The following TENM3 variants were observed in gnomAD, a reference collection of about 807,000 sequenced individuals.
The protein encoded by TENM3 is teneurin-3.
TENM3 carries 63 observed loss-of-function variants against 255.1 expected under a neutral mutation model. The ratio of observed to expected loss-of-function variants is 0.25; its 90% CI spans 0.20 to 0.30. The LOEUF (loss-of-function observed/expected upper bound fraction) is 0.30, where lower values mean the gene tolerates loss of function less well. Ranked by LOEUF, TENM3 falls within the 10% of genes least tolerant of loss-of-function variation. The probability of loss-of-function intolerance (pLI) is 1.00; values close to 1 mark genes in which losing one functional copy is unlikely to be tolerated. For synonymous variants in TENM3, 1,306 were observed against 1,322.3 expected (o/e 0.99, Z 0.27); for missense variants, 2,929 against 3,461.1 (o/e 0.85, Z 3.86).
chr4:182,339,812 T>A (rs994090521), intron 2 of TENM3, among the ~76,000 whole-genome samples: 1 of 152,200 alleles, frequency 6.6e-6, no homozygotes, highest in South Asian at 2.1e-4. Flanking sequence ...AGCAGATACA[T>A]TGCAGGCGTA....
chr4:182,746,185 T>C (rs531454316), intron 19 of TENM3, among the ~76,000 whole-genome samples: 1 of 152,290 alleles, frequency 6.6e-6, no homozygotes, highest in South Asian at 2.1e-4. Context: ...TAAATAACAT[T>C]ATCAGTATCA....
chr4:181,708,073 C>T, the TENM3 span, among the ~76,000 whole-genome samples: 1 of 151,998 alleles, frequency 6.6e-6, no homozygotes, highest in Non-Finnish European at 1.5e-5. Context: ...CTTTTCATTT[C>T]ATTCCAGAAA....
the TENM3 span, among the ~76,000 whole-genome samples, chr4:181,766,237 G>T: frequency 1.1e-4 from 16 of 152,068 alleles, no homozygotes; most frequent in Non-Finnish European, 5.9e-5. Flanking sequence ...AATCCTCTGC[G>T]CAAAAGCTAA....
At chr4:181,522,224 T>G in the TENM3 span, among the ~76,000 whole-genome samples, 2 of 149,588 alleles carry the variant, frequency 1.3e-5, no homozygotes, top group African/African-American at 4.9e-5. Context: ...CATGTTATAC[T>G]CAACAAAATT....
chr4:182,609,201 T>C (rs934674598), intron 4 of TENM3, among the ~76,000 whole-genome samples: 7 of 152,168 alleles, frequency 4.6e-5, no homozygotes, highest in African/African-American at 1.7e-4. Flanking sequence ...CTATGCAGTC[T>C]ACCCACCTGG....
At chr4:182,740,461 T>C (rs1039629976) in intron 18 of TENM3, among the ~76,000 whole-genome samples, 1 of 152,254 alleles carries the variant, frequency 6.6e-6, no homozygotes, top group Non-Finnish European at 1.5e-5. Context: ...GATGAAATTG[T>C]GTAAAATTAT....
At chr4:182,340,139 G>C (rs564577899) in intron 2 of TENM3, among the ~76,000 whole-genome samples, 2 of 152,268 alleles carry the variant, frequency 1.3e-5, no homozygotes, top group South Asian at 2.1e-4. Flanking sequence ...TGAAGAAAAT[G>C]CATCTTTTCT....
At chr4:181,674,538 CA>C in the TENM3 span, among the ~76,000 whole-genome samples, 1 of 152,088 alleles carries the variant, frequency 6.6e-6, no homozygotes, top group South Asian at 2.1e-4. Flanking sequence ...TGTGAAATTC[CA>C]AGAAGGTAAT....
At chr4:181,840,141 G>C in the TENM3 span, among the ~76,000 whole-genome samples, 1 of 151,882 alleles carries the variant, frequency 6.6e-6, no homozygotes, top group Non-Finnish European at 1.5e-5. Context: ...TGTTTTCTAA[G>C]TCACCTGTTT....
the TENM3 span, among the ~76,000 whole-genome samples, chr4:181,826,263 A>T: frequency 6.6e-6 from 1 of 152,240 alleles, no homozygotes; most frequent in Non-Finnish European, 1.5e-5. Flanking sequence ...TAACTAAAAA[A>T]AAATAAGCCG....
chr4:181,868,218 A>G, the TENM3 span, among the ~76,000 whole-genome samples: 619 of 152,196 alleles, frequency 4.1e-3, 8 homozygotes, highest in African/African-American at 0.013. Flanking sequence ...CCACACGCCA[A>G]CAGGTATCTC....
intron 6 of TENM3, among the ~76,000 whole-genome samples, chr4:182,662,977 G>A (rs1359264613): frequency 6.6e-6 from 1 of 152,202 alleles, no homozygotes; most frequent in African/African-American, 2.4e-5. Context: ...CAAACTAGAG[G>A]CTTAAACAGG....
the TENM3 span, among the ~76,000 whole-genome samples, chr4:181,820,715 C>G: frequency 7.9e-5 from 12 of 152,142 alleles, no homozygotes; most frequent in Non-Finnish European, 1.2e-4. Flanking sequence ...GAAACAATAT[C>G]CCTTTCTTAT....
chr4:181,675,930 C>CA, the TENM3 span, among the ~76,000 whole-genome samples: 3 of 151,928 alleles, frequency 2.0e-5, no homozygotes, highest in South Asian at 2.1e-4. Flanking sequence ...ATATTTTATG[C>CA]AAAAAACACC....
At chr4:181,828,279 ACT>A in the TENM3 span, among the ~76,000 whole-genome samples, 1 of 151,748 alleles carries the variant, frequency 6.6e-6, no homozygotes, top group Non-Finnish European at 1.5e-5. Flanking sequence ...TGGTGAATGG[ACT>A]CTCTGATGGC....
At chr4:182,305,593 T>C (rs1762088228) in intron 1 of TENM3, among the ~76,000 whole-genome samples, 1 of 152,232 alleles carries the variant, frequency 6.6e-6, no homozygotes, top group Non-Finnish European at 1.5e-5. Context: ...ATTTATCCTC[T>C]TTCACTACAG....
At chr4:181,919,546 T>A in the TENM3 span, among the ~76,000 whole-genome samples, 5 of 152,092 alleles carry the variant, frequency 3.3e-5, no homozygotes, top group Non-Finnish European at 7.4e-5. Flanking sequence ...TTGATATTTT[T>A]ACCCCAAGTT....
the TENM3 span, among the ~76,000 whole-genome samples, chr4:181,923,563 A>G: frequency 6.6e-6 from 1 of 152,308 alleles, no homozygotes; most frequent in Admixed American, 6.5e-5. Context: ...GTGGCTTATC[A>G]AAGCCGATTA....
intron 3 of TENM3, among the ~76,000 whole-genome samples, chr4:182,445,019 G>A (rs1772800190): frequency 6.6e-6 from 1 of 152,154 alleles, no homozygotes; most frequent in Admixed American, 6.5e-5. Context: ...ATGTTGGCCA[G>A]GCTGGTCTCG....
Sources: gnomAD v4.1 joint callset for allele counts (sites outside exome capture counted in the v4.1 genomes callset) on GRCh38, gnomAD v4.1.1 for gene constraint, MANE v1.5 for transcripts, NCBI Gene and HGNC (gene_info 2026-07-23, HGNC 2026-07-21) for gene names.